The following LUM variants were observed in gnomAD, a reference collection of about 807,000 sequenced individuals.
The protein encoded by LUM is KSPG lumican.
In LUM, 13 loss-of-function variants were observed where a neutral mutation model predicts 20.5. The observed-to-expected ratio is 0.63, with a 90% confidence interval of 0.41 to 1.01. LUM has a LOEUF of 1.01. Among genes scored for constraint, LUM ranks in the 50% least tolerant of loss-of-function variants. The pLI is 0.00. For missense variants in LUM, 321 were observed against 391.1 expected (o/e 0.82, Z 1.51); for synonymous variants, 173 against 151.5 (o/e 1.14, Z -1.04).
chr12:91,111,183 T>C (rs963048683), intron 1 of LUM, among the ~76,000 whole-genome samples: 4 of 152,194 alleles, frequency 2.6e-5, no homozygotes, highest in Non-Finnish European at 4.4e-5. Context: ...TTATAACTTC[T>C]CTTGCCAAGC....
chr12:91,107,500 C>G (rs890024783), intron 2 of LUM, among the ~76,000 whole-genome samples: 1 of 151,846 alleles, frequency 6.6e-6, no homozygotes, highest in Non-Finnish European at 1.5e-5. Context: ...AAATGTAGGA[C>G]ACAAATCTAA....
intron 2 of LUM, 76 bp from the exon 3 acceptor site, chr12:91,104,395 A>G (rs1324568639): frequency 6.1e-6 from 6 of 990,160 alleles, no homozygotes; most frequent in Admixed American, 2.5e-5. Context: ...ATTTATGTTT[A>G]ATATATTATA....
intron 2 of LUM, among the ~76,000 whole-genome samples, chr12:91,107,427 T>G (rs1592662726): frequency 6.6e-6 from 1 of 151,416 alleles, no homozygotes. Context: ...GGCTATGGAG[T>G]TTGCCAACTG....
chr12:91,105,952 G>A (rs1267524300), intron 2 of LUM, among the ~76,000 whole-genome samples: 3 of 152,186 alleles, frequency 2.0e-5, no homozygotes, highest in African/African-American at 7.2e-5. Context: ...TGGTCTGTCA[G>A]AGAGTATCCT....
intron 2 of LUM, among the ~76,000 whole-genome samples, chr12:91,105,014 A>C (rs1170895288): frequency 1.3e-5 from 2 of 152,204 alleles, no homozygotes; most frequent in African/African-American, 4.8e-5. Context: ...CTGTGTATAC[A>C]CAGAAACTAT....
At chr12:91,104,400 A>G in intron 2 of LUM, 81 bp from the exon 3 acceptor site, 2 of 951,870 alleles carry the variant, frequency 2.1e-6, no homozygotes, top group Admixed American at 2.6e-5. Flanking sequence ...TGTTTAATAT[A>G]TTATAAAATA....
At position 91,108,421 on chromosome 12, in the gene LUM, C is replaced by T; in HGVS notation, c.559G>A (p.Glu187Lys). 4 of 1,614,034 alleles carry T rather than the reference C, an allele frequency of 2.5e-6. No individual in the cohort carries two copies. The highest frequency in any genetic ancestry group is 3.4e-6 in the Non-Finnish European group (4 of 1,179,984). ...SAAFKGLKSL[E>K]YLDLSFNQIA... ...TGATTGAAGCTCAAGTCAAGGTATT[C>T]GAGTGATTTAAGACCTTTAAAAGCA... Residue 187 changes from glutamate (E) to lysine (K), a missense_variant, in exon 2 of 3, where the codon GAA becomes AAA. Transcript: ENST00000266718. This position sits in a 1 kb window ranked among gnomAD's most constrained non-coding sequence, Gnocchi z 4.2.
At chr12:91,110,543 CAG>C (rs1346585728) in intron 1 of LUM, among the ~76,000 whole-genome samples, 9 of 152,080 alleles carry the variant, frequency 5.9e-5, no homozygotes, top group Non-Finnish European at 1.2e-4. Context: ...GACATATTCC[CAG>C]AGTTATTTTA....
intron 2 of LUM, among the ~76,000 whole-genome samples, chr12:91,105,233 A>G (rs1880004022): frequency 1.3e-5 from 2 of 152,164 alleles, no homozygotes; most frequent in Non-Finnish European, 2.9e-5. Context: ...CCCATCTTGG[A>G]ATTCTACCTC....
At chr12:91,110,314 A>G (rs988844390) in intron 1 of LUM, among the ~76,000 whole-genome samples, 1 of 152,184 alleles carries the variant, frequency 6.6e-6, no homozygotes, top group African/African-American at 2.4e-5. Flanking sequence ...GAAACTGAAA[A>G]CGTCTTTTAT....
intron 2 of LUM, among the ~76,000 whole-genome samples, chr12:91,105,236 T>C (rs983348375): frequency 4.6e-5 from 7 of 152,118 alleles, no homozygotes; most frequent in African/African-American, 1.7e-4. Context: ...ATCTTGGAAT[T>C]CTACCTCTGC....
At chr12:91,104,378 A>G (rs980202638) in intron 2 of LUM, 59 bp from the exon 3 acceptor site, 5 of 1,193,794 alleles carry the variant, frequency 4.2e-6, no homozygotes, top group Non-Finnish European at 6.0e-6. Flanking sequence ...TCAAAACAAT[A>G]CAAAAAATTT....
At position 91,103,861 on chromosome 12, in the gene LUM, T is replaced by A. The variant is rs1789579683; in HGVS notation, c.*304A>T. The A allele has an allele frequency of 4.2e-6, 1 of 235,908 alleles. No individual in the cohort carries two copies. The highest frequency in any genetic ancestry group is 8.3e-6 in the Non-Finnish European group (1 of 120,358). The allele number at this position is 235,908 out of a possible 1,614,324, so 14.6% of individuals were successfully genotyped here. A position where few individuals can be genotyped will look rare whatever the true frequency, so the allele number is the denominator to read the frequency against. ...GAGGAACATTAAGATTTAAGGATTA[T>A]AAAACTTGGCTGATTTCCATGCAAC... On this transcript the variant is annotated 3_prime_UTR_variant, in exon 3 of 3. Transcript: ENST00000266718.
chr12:91,105,505 T>A (rs1416925163), intron 2 of LUM, among the ~76,000 whole-genome samples: 2 of 152,192 alleles, frequency 1.3e-5, no homozygotes, highest in Non-Finnish European at 1.5e-5. Flanking sequence ...GTTTTGGCTA[T>A]ATATTCCCTA....
rs1046662136 is a variant in LUM, at chr12:91,110,306, A to C, written c.-22+1092T>G. On this transcript the variant is annotated intron_variant, in intron 1 of 2. Coordinates refer to ENST00000266718, the MANE Select transcript of LUM (RefSeq NM_002345.4). ...GATAAGCAGGATCTTTGGGGTTAGA[A>C]ACTGAAAACGTCTTTTATTTGTTTT... 1.9e-4 allele frequency among the ~76,000 whole-genome samples: 29 copies of C among 152,324 alleles called. No individual in the cohort carries two copies. In the South Asian group the frequency reaches 6.0e-3, roughly 32 times the overall value.
chr12:91,104,714 T>A (rs1410904842), intron 2 of LUM, among the ~76,000 whole-genome samples: 3 of 152,130 alleles, frequency 2.0e-5, no homozygotes, highest in Non-Finnish European at 4.4e-5. Context: ...ACTCTTTGGT[T>A]TTACATCTAA....
chr12:91,108,008 C>A lies in LUM; in HGVS notation c.862+110G>T, dbSNP rs1592662970. The A allele has an allele frequency of 1.6e-6, 2 of 1,276,878 alleles. No homozygotes were observed. The highest frequency in any genetic ancestry group is 4.9e-4 in the Middle Eastern group (2 of 4,088). 79.1% of individuals were successfully genotyped at this position (1,276,878 alleles called of 1,614,324 possible). A position where few individuals can be genotyped will look rare whatever the true frequency, so the allele number is the denominator to read the frequency against. On this transcript the variant is annotated intron_variant, in intron 2 of 2. Transcript: ENST00000266718. This position sits in a 1 kb window ranked among gnomAD's most constrained non-coding sequence, Gnocchi z 4.2. ...ATTTACAGGAATGAGCCACAGCGCC[C>A]GGGCGACATTTTGTTTTTTTAATGG...
chr12:91,106,690 T>TAAAAAAAAAAAAAAAAAAAAAAAAAA (rs374164456), intron 2 of LUM, among the ~76,000 whole-genome samples: 1 of 90,584 alleles, frequency 1.1e-5, no homozygotes, highest in African/African-American at 4.6e-5. Context: ...ATTTTTCTTC[T>TAAAAAAAAAAAAAAAAAAAAAAAAAA]AAAAAAAAAA....
intron 2 of LUM, among the ~76,000 whole-genome samples, chr12:91,106,690 T>TAAAA (rs374164456): frequency 0.043 from 3,923 of 90,510 alleles, 267 homozygotes; most frequent in African/African-American, 0.092. Flanking sequence ...ATTTTTCTTC[T>TAAAA]AAAAAAAAAA....
Sources: allele counts gnomAD v4.1 joint callset (sites outside exome capture counted in the v4.1 genomes callset), GRCh38; gene constraint gnomAD v4.1.1; non-coding constraint Gnocchi (gnomAD v3.1); transcripts MANE v1.5; gene names NCBI Gene and HGNC (gene_info 2026-07-23, HGNC 2026-07-21).